The following KCNB2 variants were observed in gnomAD, a reference collection of about 807,000 sequenced individuals.
KCNB2 encodes delayed rectifier potassium channel protein.
Under a neutral mutation model 61.5 loss-of-function variants are expected in KCNB2, and 15 were observed. The observed-to-expected ratio is 0.24, with a 90% CI of 0.16 to 0.38. The LOEUF is 0.38. KCNB2 is among the 10% of genes least tolerant of loss of function. The probability of loss-of-function intolerance (pLI) is 1.00; values close to 1 mark genes in which losing one functional copy is unlikely to be tolerated. For missense variants in KCNB2, 828 were observed against 1,125.2 expected (o/e 0.74, Z 3.78); for synonymous variants, 457 against 446.0 (o/e 1.02, Z -0.31).
At chr8:72,657,656 A>G (rs1052739766) in intron 2 of KCNB2, among the ~76,000 whole-genome samples, 4 of 152,180 alleles carry the variant, frequency 2.6e-5, no homozygotes, top group African/African-American at 7.2e-5. Context: ...TACTCACTCA[A>G]CTACAGCACT....
intron 2 of KCNB2, among the ~76,000 whole-genome samples, chr8:72,678,131 C>T (rs1010507122): frequency 2.0e-5 from 3 of 152,092 alleles, no homozygotes; most frequent in Non-Finnish European, 4.4e-5. Context: ...TTTGTAATAC[C>T]CCACATCGAT....
At chr8:72,673,600 A>G (rs2128988369) in intron 2 of KCNB2, among the ~76,000 whole-genome samples, 1 of 152,350 alleles carries the variant, frequency 6.6e-6, no homozygotes, top group Middle Eastern at 3.4e-3. Flanking sequence ...CTACAATGGA[A>G]TATTATTCAG....
intron 2 of KCNB2, among the ~76,000 whole-genome samples, chr8:72,831,097 T>G (rs6984868): frequency 0.51 from 78,304 of 152,134 alleles, 20,752 homozygotes; most frequent in Non-Finnish European, 0.58. Context: ...CAGATTGGCC[T>G]TGCGCCTCAT....
At chr8:72,647,774 G>A (rs1247052722) in intron 2 of KCNB2, among the ~76,000 whole-genome samples, 3 of 152,112 alleles carry the variant, frequency 2.0e-5, no homozygotes, top group South Asian at 4.2e-4. Flanking sequence ...AGGCAGCTGT[G>A]CCCCCTAGCT....
chr8:72,925,083 A>G (rs1806612473), intron 2 of KCNB2, among the ~76,000 whole-genome samples: 1 of 152,186 alleles, frequency 6.6e-6, no homozygotes, highest in African/African-American at 2.4e-5. Flanking sequence ...TACTGCAGAG[A>G]TTCATTAAAA....
intron 2 of KCNB2, among the ~76,000 whole-genome samples, chr8:72,778,733 C>CAAAAAAAAAAAAAGAAAAAA (rs1808700810): frequency 7.1e-5 from 1 of 14,172 alleles, no homozygotes; most frequent in Non-Finnish European, 1.1e-4. Flanking sequence ...ACAGAGCGAG[C>CAAAAAAAAAAAAAGAAAAAA]AAAAAAAAAA....
intron 2 of KCNB2, among the ~76,000 whole-genome samples, chr8:72,931,159 C>T (rs796513388): frequency 6.6e-6 from 1 of 152,086 alleles, no homozygotes; most frequent in Non-Finnish European, 1.5e-5. Flanking sequence ...TGATCTATAT[C>T]TCTGTTTTGG....
intron 1 of KCNB2, among the ~76,000 whole-genome samples, chr8:72,546,580 C>G (rs978503715): frequency 6.6e-6 from 1 of 151,536 alleles, no homozygotes; most frequent in Non-Finnish European, 1.5e-5. Context: ...CAGCAAGTTA[C>G]CCACAATATT....
At chr8:72,620,665 G>A (rs1027081270) in intron 2 of KCNB2, among the ~76,000 whole-genome samples, 1 of 152,074 alleles carries the variant, frequency 6.6e-6, no homozygotes, top group Non-Finnish European at 1.5e-5. Context: ...CTGGAGTGCA[G>A]TGGTGCGACC....
intron 2 of KCNB2, among the ~76,000 whole-genome samples, chr8:72,668,176 G>C (rs1440362): frequency 0.028 from 4,266 of 152,292 alleles, 75 homozygotes; most frequent in South Asian, 0.073. Flanking sequence ...ATCAGTGTAT[G>C]TGACAACACA....
At chr8:72,896,317 CCT>C (rs1157267905) in intron 2 of KCNB2, among the ~76,000 whole-genome samples, 1 of 152,072 alleles carries the variant, frequency 6.6e-6, no homozygotes, top group Non-Finnish European at 1.5e-5. Flanking sequence ...GGCATTTGTC[CCT>C]CTCTAAATTT....
At chr8:72,866,627 G>A (rs550153613) in intron 2 of KCNB2, among the ~76,000 whole-genome samples, 10 of 152,274 alleles carry the variant, frequency 6.6e-5, no homozygotes, top group Admixed American at 2.0e-4. Context: ...GGGAATACAC[G>A]TTTGTCAAGG....
intron 2 of KCNB2, among the ~76,000 whole-genome samples, chr8:72,676,748 A>G (rs1056834411): frequency 6.6e-6 from 1 of 152,134 alleles, no homozygotes; most frequent in Admixed American, 6.6e-5. Context: ...TTAACTTTCC[A>G]ATGCTGTTGC....
chr8:72,921,354 C>A (rs1005991955), intron 2 of KCNB2, among the ~76,000 whole-genome samples: 2 of 152,084 alleles, frequency 1.3e-5, no homozygotes, highest in African/African-American at 4.8e-5. Context: ...TTGCTACCCA[C>A]AATGTGAAAA....
intron 2 of KCNB2, among the ~76,000 whole-genome samples, chr8:72,709,866 T>C (rs145402365): frequency 2.0e-3 from 307 of 152,318 alleles, no homozygotes; most frequent in African/African-American, 7.1e-3. Flanking sequence ...ACTAAGTTAC[T>C]ATGTACCCGA....
chr8:72,874,654 C>T (rs569887485), intron 2 of KCNB2, among the ~76,000 whole-genome samples: 35 of 152,316 alleles, frequency 2.3e-4, no homozygotes, highest in Middle Eastern at 6.8e-3. Flanking sequence ...ACATTGCAGC[C>T]GAGGCTCCTG....
intron 2 of KCNB2, among the ~76,000 whole-genome samples, chr8:72,835,012 G>T (rs1394109062): frequency 1.3e-5 from 2 of 152,144 alleles, no homozygotes. Context: ...CTCTAGTGAG[G>T]CTCATTCCTC....
At position 72,641,092 on chromosome 8, in the gene KCNB2, C is replaced by T. The variant is rs79276020; in HGVS notation, c.579+72779C>T. Among the ~76,000 whole-genome samples, 1,053 of 152,136 alleles carry T rather than the reference C, an allele frequency of 6.9e-3. 10 individuals are homozygous for T. The highest frequency in any genetic ancestry group is 0.014 in the Middle Eastern group (4 of 294). ...AAAAGTGCAGATCAAGCCGTTGCCA[C>T]CTTGTATAATTATGGCATTGATGAA... On this transcript the variant is annotated intron_variant, in intron 2 of 2. Coordinates refer to ENST00000523207, the MANE Select transcript of KCNB2 (RefSeq NM_004770.3).
chr8:72,776,222 AG>A (rs1187311179), intron 2 of KCNB2, among the ~76,000 whole-genome samples: 1 of 135,088 alleles, frequency 7.4e-6, no homozygotes. Context: ...GGACACAGGA[AG>A]GGGAATATCA....
Sources: gnomAD v4.1 joint callset for allele counts (sites outside exome capture counted in the v4.1 genomes callset) on GRCh38, gnomAD v4.1.1 for gene constraint, MANE v1.5 for transcripts, NCBI Gene and HGNC (gene_info 2026-07-23, HGNC 2026-07-21) for gene names.